Variants in ADGRL3 observed in about 807,000 individuals in gnomAD.
ADGRL3 encodes adhesion G protein-coupled receptor L3.
A neutral mutation model predicts 153.5 loss-of-function variants in ADGRL3; 62 were observed. The observed-to-expected ratio is 0.40, with a 90% CI of 0.33 to 0.50. ADGRL3 has a LOEUF of 0.50. ADGRL3 is among the 20% of genes least tolerant of loss of function. The pLI, the probability that ADGRL3 is intolerant of heterozygous loss-of-function variation, is 0.47. For synonymous variants in ADGRL3, 710 were observed against 672.5 expected (o/e 1.06, Z -0.86); for missense variants, 1,641 against 1,859.4 (o/e 0.88, Z 2.16).
chr4:61,607,652 T>C (rs1047774084), intron 5 of ADGRL3, among the ~76,000 whole-genome samples: 1 of 152,110 alleles, frequency 6.6e-6, no homozygotes, highest in African/African-American at 2.4e-5. Context: ...TTACCTACAA[T>C]TGAAGAAGTC....
At chr4:61,993,733 C>T (rs907652706) in intron 19 of ADGRL3, among the ~76,000 whole-genome samples, 4 of 152,004 alleles carry the variant, frequency 2.6e-5, no homozygotes. Context: ...TTCACTCTCT[C>T]TCATACACAC....
intron 2 of ADGRL3, among the ~76,000 whole-genome samples, chr4:61,394,159 G>C (rs2096843777): frequency 6.6e-6 from 1 of 151,946 alleles, no homozygotes; most frequent in Non-Finnish European, 1.5e-5. Flanking sequence ...AATCTCTTTT[G>C]GAGAGAATAT....
At chr4:61,324,060 G>C (rs1279494607) in intron 1 of ADGRL3, among the ~76,000 whole-genome samples, 1 of 152,142 alleles carries the variant, frequency 6.6e-6, no homozygotes, top group Non-Finnish European at 1.5e-5. Flanking sequence ...GAGAGAGATT[G>C]TGCAGAGAAA....
intron 5 of ADGRL3, among the ~76,000 whole-genome samples, chr4:61,665,488 A>G (rs1335850528): frequency 6.6e-6 from 1 of 152,230 alleles, no homozygotes; most frequent in East Asian, 1.9e-4. Flanking sequence ...TATCGTCTCC[A>G]AGTAATACCT....
At chr4:61,724,142 T>C (rs2151689979) in intron 6 of ADGRL3, among the ~76,000 whole-genome samples, 1 of 152,346 alleles carries the variant, frequency 6.6e-6, no homozygotes, top group East Asian at 1.9e-4. Context: ...TGTTTTTTGT[T>C]TAGCTACTTT....
intron 4 of ADGRL3, among the ~76,000 whole-genome samples, chr4:61,543,857 C>T (rs2098701860): frequency 6.6e-6 from 1 of 152,122 alleles, no homozygotes; most frequent in Non-Finnish European, 1.5e-5. Context: ...ATTTTAATTT[C>T]AACATATTCC....
At chr4:61,842,283 A>G (rs1023399654) in intron 9 of ADGRL3, among the ~76,000 whole-genome samples, 1 of 152,132 alleles carries the variant, frequency 6.6e-6, no homozygotes, top group Admixed American at 6.6e-5. Flanking sequence ...TTCCTTACAC[A>G]CCTTCTATTT....
chr4:61,473,626 A>T lies in ADGRL3; in HGVS notation c.-173-23495A>T, dbSNP rs1051524147. Among the ~76,000 whole-genome samples, 6 of 152,116 alleles carry T rather than the reference A, an allele frequency of 3.9e-5. No individual in the cohort carries two copies. In the East Asian group the frequency reaches 1.2e-3, roughly 29 times the overall value. On this transcript the variant is annotated intron_variant, in intron 2 of 26. Transcript: ENST00000683033. ...AAATGAGGAGGAAAAAAACCAAAAC[A>T]TGTATAGAGTTTATAATAGGAAGTG... is the stretch of plus-strand genomic sequence containing the variant.
At chr4:61,896,090 G>A (rs985936262) in intron 11 of ADGRL3, among the ~76,000 whole-genome samples, 6 of 152,062 alleles carry the variant, frequency 3.9e-5, no homozygotes, top group Middle Eastern at 3.4e-3. Flanking sequence ...GTGCACTACA[G>A]CTATAAAAGT....
At chr4:61,894,200 T>C (rs2098609746) in intron 10 of ADGRL3, among the ~76,000 whole-genome samples, 1 of 152,156 alleles carries the variant, frequency 6.6e-6, no homozygotes. Flanking sequence ...ACAACGTCTG[T>C]CATCCAGCAT....
chr4:62,023,613 A>G (rs553396449), intron 21 of ADGRL3, among the ~76,000 whole-genome samples: 1 of 152,208 alleles, frequency 6.6e-6, no homozygotes, highest in East Asian at 1.9e-4. Flanking sequence ...ACCCTTAGCA[A>G]CTCATCACCC....
At chr4:61,689,509 C>A (rs569938175) in intron 6 of ADGRL3, among the ~76,000 whole-genome samples, 8 of 152,238 alleles carry the variant, frequency 5.3e-5, no homozygotes, top group African/African-American at 1.9e-4. Flanking sequence ...CTCATTGGCT[C>A]TTAACAGCCA....
chr4:61,375,157 A>T (rs138744785), intron 1 of ADGRL3, among the ~76,000 whole-genome samples: 12 of 152,232 alleles, frequency 7.9e-5, no homozygotes, highest in Non-Finnish European at 1.6e-4. Context: ...CTTAAAAAAA[A>T]ATCTATCATG....
chr4:61,808,078 A>G (rs1226131668), intron 8 of ADGRL3, among the ~76,000 whole-genome samples: 1 of 152,048 alleles, frequency 6.6e-6, no homozygotes, highest in African/African-American at 2.4e-5. Context: ...CTCAGATCTC[A>G]GCTTTCTCCA....
intron 1 of ADGRL3, among the ~76,000 whole-genome samples, chr4:61,346,618 A>G (rs1033659914): frequency 2.6e-5 from 4 of 151,386 alleles, no homozygotes; most frequent in Non-Finnish European, 4.4e-5. Context: ...AAATAGAAAA[A>G]AAAAAAAATA....
intron 8 of ADGRL3, among the ~76,000 whole-genome samples, chr4:61,789,182 T>A (rs1438883963): frequency 1.3e-5 from 2 of 152,300 alleles, no homozygotes; most frequent in East Asian, 3.9e-4. Context: ...TAGATTATAC[T>A]GATTAGAATG....
rs1240619557 is a variant in ADGRL3, at chr4:61,601,650, C to T, written c.473+14210C>T. Among the ~76,000 whole-genome samples, 4 of 152,250 alleles carry T rather than the reference C, an allele frequency of 2.6e-5. No homozygotes were observed. The East Asian group carries it at 7.7e-4, about 29-fold the overall frequency. ...AAAAGCATCTGTTTACATGCTAAGACTCATAAATATTGCAAGTTTAATTTT... is the reference window on the plus strand; with the variant it reads ...AAAAGCATCTGTTTACATGCTAAGATTCATAAATATTGCAAGTTTAATTTT... On this transcript the variant is annotated intron_variant, in intron 5 of 26. Coordinates refer to ENST00000683033, the MANE Select transcript of ADGRL3 (RefSeq NM_001387552.1).
chr4:61,769,025 C>T (rs1181918324), intron 8 of ADGRL3, among the ~76,000 whole-genome samples: 9 of 148,744 alleles, frequency 6.1e-5, no homozygotes, highest in East Asian at 2.0e-4. Context: ...CGGGACTTGC[C>T]GCTAAGGGTG....
At chr4:61,663,027 G>C (rs2094656467) in intron 5 of ADGRL3, among the ~76,000 whole-genome samples, 1 of 152,160 alleles carries the variant, frequency 6.6e-6, no homozygotes, top group Non-Finnish European at 1.5e-5. Flanking sequence ...GAGCTGTTCT[G>C]TCACTCAATA....
Sources: allele counts gnomAD v4.1 joint callset (sites outside exome capture counted in the v4.1 genomes callset), GRCh38; gene constraint gnomAD v4.1.1; transcripts MANE v1.5; gene names NCBI Gene and HGNC (gene_info 2026-07-23, HGNC 2026-07-21).